Variants in SLC22A3 observed in about 807,000 individuals in gnomAD.
The protein encoded by SLC22A3 is EMT organic cation transporter 3.
In SLC22A3, 51 loss-of-function variants were observed where a neutral mutation model predicts 59.1. The ratio of observed to expected loss-of-function variants is 0.86; its 90% confidence interval spans 0.69 to 1.09. The LOEUF is 1.09. Ranked by LOEUF, SLC22A3 falls within the 50% of genes least tolerant of loss-of-function variation. The probability of loss-of-function intolerance (pLI) is 0.00; values close to 1 mark genes in which losing one functional copy is unlikely to be tolerated. For missense variants in SLC22A3, 711 were observed against 726.3 expected (o/e 0.98, Z 0.24); for synonymous variants, 325 against 292.0 (o/e 1.11, Z -1.15).
intron 1 of SLC22A3, among the ~76,000 whole-genome samples, chr6:160,364,342 C>T (rs1785130431): frequency 6.6e-6 from 1 of 152,190 alleles, no homozygotes; most frequent in Admixed American, 6.5e-5. Context: ...TTCTTCTTAA[C>T]TAATTCAGAT....
chr6:160,388,502 C>A (rs2114811309), intron 1 of SLC22A3, among the ~76,000 whole-genome samples: 1 of 152,288 alleles, frequency 6.6e-6, no homozygotes, highest in East Asian at 1.9e-4. Context: ...AGGAACCACA[C>A]TTTGAGAACA....
chr6:160,447,092 G>A (rs1182170150), intron 9 of SLC22A3, among the ~76,000 whole-genome samples: 2 of 152,224 alleles, frequency 1.3e-5, no homozygotes, highest in African/African-American at 2.4e-5. Context: ...TTTTCAAGAA[G>A]TTTGGCTCTA....
At chr6:160,362,818 C>T (rs1583445596) in intron 1 of SLC22A3, among the ~76,000 whole-genome samples, 2 of 152,336 alleles carry the variant, frequency 1.3e-5, no homozygotes, top group East Asian at 3.9e-4. Context: ...AGCAGTGCTG[C>T]AGGAGCCCCG....
intron 5 of SLC22A3, among the ~76,000 whole-genome samples, chr6:160,436,036 G>C (rs73782580): frequency 0.011 from 1,697 of 152,230 alleles, 36 homozygotes; most frequent in African/African-American, 0.038. Context: ...GGCTTCCCAG[G>C]GGAGGTAAAA....
At chr6:160,362,398 A>C (rs1785044255) in intron 1 of SLC22A3, among the ~76,000 whole-genome samples, 1 of 152,246 alleles carries the variant, frequency 6.6e-6, no homozygotes, top group Non-Finnish European at 1.5e-5. Flanking sequence ...GCAGACGTGT[A>C]GAAAACCCTC....
chr6:160,374,168 G>A (rs189835744), intron 1 of SLC22A3, among the ~76,000 whole-genome samples: 4 of 152,366 alleles, frequency 2.6e-5, no homozygotes, highest in Admixed American at 1.3e-4. Context: ...TGATCTGCAC[G>A]TTGTGAAGAC....
chr6:160,445,827 G>A (rs1324996526), intron 9 of SLC22A3, among the ~76,000 whole-genome samples: 1 of 152,220 alleles, frequency 6.6e-6, no homozygotes, highest in Non-Finnish European at 1.5e-5. Context: ...AGGGTGATGG[G>A]GCTCTGTGTC....
Position 160,407,037 on chromosome 6 carries a change from A to G in SLC22A3, c.534-4A>G, listed in dbSNP as rs745807541. ...TGAGCTCTTTTCCTGTCTTTCTCAAAAAGGTATGGCAGGATCGTCATTTAC... is the reference window on the plus strand; with the variant it reads ...TGAGCTCTTTTCCTGTCTTTCTCAAGAAGGTATGGCAGGATCGTCATTTAC... On this transcript the variant is annotated splice_polypyrimidine_tract_variant and splice_region_variant and intron_variant, in intron 2 of 10. Coordinates refer to ENST00000275300, the MANE Select transcript of SLC22A3 (RefSeq NM_021977.4). 1.2e-6 allele frequency: 2 copies of G among 1,612,960 alleles called. No homozygotes were observed. The highest frequency in any genetic ancestry group is 3.3e-5 in the Admixed American group (2 of 59,862).
chr6:160,424,683 C>G (rs1381891636), intron 5 of SLC22A3, among the ~76,000 whole-genome samples: 1 of 152,214 alleles, frequency 6.6e-6, no homozygotes, highest in East Asian at 1.9e-4. Flanking sequence ...TGCCTACTGT[C>G]TCTCAAAGGT....
intron 1 of SLC22A3, among the ~76,000 whole-genome samples, chr6:160,367,120 T>C (rs1436213619): frequency 1.3e-5 from 2 of 152,218 alleles, no homozygotes; most frequent in Admixed American, 6.5e-5. Context: ...TAACCAATAC[T>C]GGGTAATATA....
intron 4 of SLC22A3, among the ~76,000 whole-genome samples, chr6:160,409,592 G>T (rs532655578): frequency 6.6e-6 from 1 of 151,654 alleles, no homozygotes; most frequent in South Asian, 2.1e-4. Context: ...CTGAGGAATC[G>T]CCACACTGAC....
rs1786349133 is a variant in SLC22A3, at chr6:160,393,542, T to C, written c.430-4437T>C. Among the ~76,000 whole-genome samples, 3 of 151,532 alleles carry C rather than the reference T, an allele frequency of 2.0e-5. No individual in the cohort carries two copies. In the South Asian group the frequency reaches 6.3e-4, roughly 32 times the overall value. On this transcript the variant is annotated intron_variant, in intron 1 of 10. Transcript: ENST00000275300. The stretch of plus-strand genomic sequence containing the variant: ...CCTATGAGTGAGAACATGCGGTGTT[T>C]GGTATTTTGTCCTTGTGATAGTTTG...
At position 160,437,006 on chromosome 6, in the gene SLC22A3, C is replaced by T. The variant is rs373788380; in HGVS notation, c.1083C>T (p.Ser361=). 74 of 1,614,096 alleles carry T rather than the reference C, an allele frequency of 4.6e-5. No homozygotes were observed. In the East Asian group the frequency reaches 8.2e-4, roughly 18 times the overall value. ...TTCAATGTTGCTACAGGTTCACAAG[C>T]GCAGTGGTGTATCAAGGACTTGTCA... is the stretch of plus-strand genomic sequence containing the variant. The part of the protein sequence containing the change: ...TLILMFAWFT[S]AVVYQGLVMR... The change falls in exon 7 of 11, where the codon AGC becomes AGT. Residue 361 remains serine, a synonymous_variant. Coordinates refer to ENST00000275300, the MANE Select transcript of SLC22A3 (RefSeq NM_021977.4).
rs201294592 is a variant in SLC22A3 at position 160,409,015 on chromosome 6, CTTTTTT to C, written c.857+107_857+112del. Reference sequence around the variant, plus strand: ...AAATGAAAGCAATAAAGAAAATTTTCTTTTTTTTTTTTTTTTTTATTATACTCTAAG... The same window carrying C: ...AAATGAAAGCAATAAAGAAAATTTTCTTTTTTTTTTTTATTATACTCTAAG... On this transcript the variant is annotated intron_variant, in intron 4 of 10. Coordinates refer to ENST00000275300, the MANE Select transcript of SLC22A3 (RefSeq NM_021977.4). 3.6e-5 allele frequency: 22 copies of C among 604,086 alleles called. No homozygotes were observed. In the African/African-American group the frequency reaches 3.8e-4, roughly 10 times the overall value. The allele number at this position is 604,086 out of a possible 1,614,324, so 37.4% of individuals were successfully genotyped here. A position where few individuals can be genotyped will look rare whatever the true frequency, so the allele number is the denominator to read the frequency against.
intron 1 of SLC22A3, among the ~76,000 whole-genome samples, chr6:160,381,706 A>T (rs1785802410): frequency 6.6e-6 from 1 of 152,170 alleles, no homozygotes; most frequent in Non-Finnish European, 1.5e-5. Flanking sequence ...TAGCAAAGAG[A>T]TTATTATGAT....
chr6:160,380,917 A>C (rs1785772037), intron 1 of SLC22A3, among the ~76,000 whole-genome samples: 1 of 152,238 alleles, frequency 6.6e-6, no homozygotes, highest in Admixed American at 6.5e-5. Flanking sequence ...TCTAGAGCGA[A>C]CTGAACCAGA....
chr6:160,444,163 A>C (rs1233465023), intron 9 of SLC22A3, among the ~76,000 whole-genome samples: 1 of 152,104 alleles, frequency 6.6e-6, no homozygotes, highest in Non-Finnish European at 1.5e-5. Flanking sequence ...TGGGCCTAGG[A>C]GTTCAAGACC....
At chr6:160,400,172 CAG>C (rs1786709557) in intron 2 of SLC22A3, among the ~76,000 whole-genome samples, 1 of 148,446 alleles carries the variant, frequency 6.7e-6, no homozygotes, top group Admixed American at 6.8e-5. Flanking sequence ...CATGCTCTGG[CAG>C]CCAGAGGGGA....
chr6:160,404,886 A>C (rs964993282), intron 2 of SLC22A3, among the ~76,000 whole-genome samples: 1 of 151,622 alleles, frequency 6.6e-6, no homozygotes, highest in African/African-American at 2.4e-5. Flanking sequence ...AAAAAAATGA[A>C]TCTAGACACA....
Sources: allele counts gnomAD v4.1 joint callset (sites outside exome capture counted in the v4.1 genomes callset), GRCh38; gene constraint gnomAD v4.1.1; transcripts MANE v1.5; gene names NCBI Gene and HGNC (gene_info 2026-07-23, HGNC 2026-07-21).